The following USH2A variants were observed in gnomAD, a reference collection of about 807,000 sequenced individuals.
USH2A encodes the protein Usher syndrome 2A (autosomal recessive, mild).
In USH2A, 443 loss-of-function variants were observed where a neutral mutation model predicts 538.9. That is an observed-to-expected ratio of 0.82 (90% confidence interval 0.76 to 0.89). The LOEUF (loss-of-function observed/expected upper bound fraction) is 0.89, where lower values mean the gene tolerates loss of function less well. USH2A is among the 40% of genes least tolerant of loss of function. USH2A has a pLI of 0.00. For synonymous variants in USH2A, 2,413 were observed against 2,273.5 expected, an observed-to-expected ratio of 1.06 and a Z score of -1.75; for missense variants, 6,633 against 6,324.8, an observed-to-expected ratio of 1.05 and a Z score of -1.65.
At chr1:215,639,625 G>A (rs879536531) in intron 68 of USH2A, among the ~76,000 whole-genome samples, 10 of 152,178 alleles carry the variant, frequency 6.6e-5, no homozygotes, top group Non-Finnish European at 1.2e-4. Flanking sequence ...AGCTCAAAAG[G>A]GATCCTAGAA....
intron 11 of USH2A, among the ~76,000 whole-genome samples, chr1:216,274,473 C>T (rs555905135): frequency 1.3e-5 from 2 of 151,998 alleles, no homozygotes; most frequent in African/African-American, 2.4e-5. Flanking sequence ...TGAGACTTAC[C>T]ACTTATTTAT....
chr1:216,342,688 A>C (rs541025165), intron 4 of USH2A, among the ~76,000 whole-genome samples: 4 of 152,166 alleles, frequency 2.6e-5, no homozygotes, highest in Non-Finnish European at 5.9e-5. Flanking sequence ...TCTTTTGCAG[A>C]AACTCTGATG....
intron 47 of USH2A, among the ~76,000 whole-genome samples, chr1:215,836,969 T>G (rs1663550327): frequency 6.6e-6 from 1 of 151,712 alleles, no homozygotes; most frequent in Non-Finnish European, 1.5e-5. Flanking sequence ...GTGAATAGGT[T>G]GGGGGATATC....
intron 44 of USH2A, among the ~76,000 whole-genome samples, chr1:215,865,019 C>T (rs186518655): frequency 6.6e-6 from 1 of 152,160 alleles, no homozygotes; most frequent in East Asian, 1.9e-4. Context: ...TTTTCCACTG[C>T]AAAGTATTTT....
At chr1:216,390,053 G>A (rs2039079164) in intron 3 of USH2A, among the ~76,000 whole-genome samples, 1 of 152,128 alleles carries the variant, frequency 6.6e-6, no homozygotes, top group African/African-American at 2.4e-5. Context: ...AGTAAATGTA[G>A]AGAAAATAAT....
chr1:216,377,019 C>T (rs2038835192), intron 3 of USH2A, among the ~76,000 whole-genome samples: 1 of 151,964 alleles, frequency 6.6e-6, no homozygotes, highest in African/African-American at 2.4e-5. Context: ...CTGTAAGTAC[C>T]TATGCTTCAG....
chr1:216,012,366 C>A (rs897803770), intron 32 of USH2A, among the ~76,000 whole-genome samples: 2 of 152,088 alleles, frequency 1.3e-5, no homozygotes, highest in African/African-American at 2.4e-5. Flanking sequence ...GATTTGCCCC[C>A]ACCCAGGACT....
chr1:215,894,892 TG>T (rs1468003544), intron 40 of USH2A, among the ~76,000 whole-genome samples: 1 of 152,182 alleles, frequency 6.6e-6, no homozygotes, highest in Non-Finnish European at 1.5e-5. Context: ...CAAGTGGAGA[TG>T]GTGTAAATTT....
chr1:215,901,053 C>T, intron 38 of USH2A, 148 bp from the exon 39 acceptor site: 1 of 937,424 alleles, frequency 1.1e-6, no homozygotes, highest in Non-Finnish European at 1.6e-6. Context: ...CATTTTCATT[C>T]CTGAACTCCT....
chr1:215,840,215 A>G (rs992818885), intron 46 of USH2A, among the ~76,000 whole-genome samples: 66 of 137,336 alleles, frequency 4.8e-4, no homozygotes, highest in Middle Eastern at 8.3e-3. Context: ...TGAGTGTGTT[A>G]TGTGCTTTAA....
intron 37 of USH2A, among the ~76,000 whole-genome samples, chr1:215,951,898 C>T (rs1666927497): frequency 6.6e-6 from 1 of 151,064 alleles, no homozygotes; most frequent in African/African-American, 2.4e-5. Flanking sequence ...TGCTCTGTCG[C>T]CCAGGCTGGA....
intron 21 of USH2A, among the ~76,000 whole-genome samples, chr1:216,136,399 A>T (rs1247055393): frequency 6.6e-6 from 1 of 152,172 alleles, no homozygotes; most frequent in African/African-American, 2.4e-5. Flanking sequence ...TTTAGTTACC[A>T]TAGTGCACCA....
intron 16 of USH2A, among the ~76,000 whole-genome samples, chr1:216,203,210 T>TAC (rs1046535321): frequency 1.3e-4 from 20 of 151,888 alleles, no homozygotes; most frequent in Non-Finnish European, 2.1e-4. Context: ...TATATATATA[T>TAC]ACACACACAT....
intron 21 of USH2A, among the ~76,000 whole-genome samples, chr1:216,117,713 G>A (rs755546803): frequency 5.3e-5 from 8 of 151,506 alleles, no homozygotes; most frequent in Non-Finnish European, 1.2e-4. Flanking sequence ...TGCAATATAT[G>A]AACCACTTTA....
intron 67 of USH2A, among the ~76,000 whole-genome samples, chr1:215,643,769 A>G (rs893251881): frequency 1.3e-5 from 2 of 152,154 alleles, no homozygotes; most frequent in Non-Finnish European, 2.9e-5. Context: ...GCCTCAAGCA[A>G]TCCTCCCCCA....
At position 215,888,684 on chromosome 1, in the gene USH2A, C is replaced by A; in HGVS notation, c.7965G>T (p.Glu2655Asp). The change falls in exon 41 of 72, where the codon GAG becomes GAT. Residue 2655 changes from glutamate (E) to aspartate (D), a missense_variant. By Grantham distance (45) the Glu-to-Asp change is conservative (BLOSUM62 2). Transcript: ENST00000307340. ...TGACTCTTCTCTCAATTGTGAAATT[C>A]TCCACCAAGCCATTGGGGTGGGTAG... ...QPPTHPNGLV[E>D]NFTIERRVKG... 1 of 1,614,134 alleles carries A rather than the reference C, an allele frequency of 6.2e-7. No homozygotes were observed.
At position 216,107,586 on chromosome 1, in the gene USH2A, TTG is replaced by T. The variant is rs1049165873; in HGVS notation, c.4628-10375_4628-10374del. Among the ~76,000 whole-genome samples the T allele has an allele frequency of 1.8e-4, 28 of 151,902 alleles. No individual in the cohort carries two copies. The South Asian group carries it at 2.5e-3, about 13-fold the overall frequency. ...TTTAATAATCTATTCTTTTTGATTG[TTG>T]TGTTATGTGCATTTATATTCAACAT... On this transcript the variant is annotated intron_variant, in intron 21 of 71. Transcript: ENST00000307340.
At chr1:216,077,885 T>G (rs1377179308) in intron 27 of USH2A, among the ~76,000 whole-genome samples, 1 of 152,008 alleles carries the variant, frequency 6.6e-6, no homozygotes, top group African/African-American at 2.4e-5. Context: ...TTATAAATGA[T>G]GGCACATTGT....
At chr1:215,964,256 C>T (rs1477618745) in intron 37 of USH2A, among the ~76,000 whole-genome samples, 3 of 152,088 alleles carry the variant, frequency 2.0e-5, no homozygotes, top group Admixed American at 6.6e-5. Context: ...ACTCCTTCAC[C>T]TCATAATCTT....
Sources: gnomAD v4.1 joint callset for allele counts (sites outside exome capture counted in the v4.1 genomes callset) on GRCh38, gnomAD v4.1.1 for gene constraint, MANE v1.5 for transcripts, NCBI Gene and HGNC (gene_info 2026-07-23, HGNC 2026-07-21) for gene names.